Variants in ARHGEF12 observed in about 807,000 individuals in gnomAD.
ARHGEF12 encodes Rho guanine nucleotide exchange factor 12.
In ARHGEF12, 66 loss-of-function variants were observed where a neutral mutation model predicts 211.2. That is an observed-to-expected ratio of 0.31 (90% CI 0.26 to 0.38). The LOEUF is 0.38. Among genes scored for constraint, ARHGEF12 ranks in the 10% least tolerant of loss-of-function variants. The pLI is 1.00. For synonymous variants in ARHGEF12, 592 were observed against 638.4 expected (o/e 0.93, Z 1.09); for missense variants, 1,429 against 1,869.5 (o/e 0.76, Z 4.34).
chr11:120,351,435 ATATATATATATATATATATATTTT>A (rs1942952137), intron 1 of ARHGEF12, among the ~76,000 whole-genome samples: 4 of 3,122 alleles, frequency 1.3e-3, no homozygotes, highest in Admixed American at 6.9e-3. Context: ...ATATATATAT[ATATATATATATATATATATATTTT>A]TTTTTTTTTT....
intron 2 of ARHGEF12, among the ~76,000 whole-genome samples, chr11:120,406,716 G>A (rs951841506): frequency 3.9e-5 from 6 of 151,950 alleles, no homozygotes; most frequent in African/African-American, 1.4e-4. Context: ...CCGCCACCAC[G>A]CCTGGCTAAT....
At chr11:120,416,807 A>C (rs1591563542) in intron 4 of ARHGEF12, among the ~76,000 whole-genome samples, 1 of 152,198 alleles carries the variant, frequency 6.6e-6, no homozygotes, top group East Asian at 1.9e-4. Flanking sequence ...ACGCGCCACC[A>C]CGCACAGCTA....
Position 120,425,349 on chromosome 11 carries a change from T to G in ARHGEF12, c.406+934T>G, listed in dbSNP as rs537796528. Among the ~76,000 whole-genome samples the G allele has an allele frequency of 1.6e-3, 241 of 150,010 alleles. 2 individuals carry two copies. The highest frequency in any genetic ancestry group is 5.5e-3 in the African/African-American group (217 of 39,496). ...TTTTATGTTTTCTTGGTTTTTTTTTTTTTTTTGTTTGTTTGTTTTTAGGGT... is the reference window on the plus strand; with the variant it reads ...TTTTATGTTTTCTTGGTTTTTTTTTGTTTTTTGTTTGTTTGTTTTTAGGGT... On this transcript the variant is annotated intron_variant, in intron 7 of 40. Transcript: ENST00000397843.
chr11:120,406,420 C>G (rs892524820), intron 2 of ARHGEF12, among the ~76,000 whole-genome samples: 2 of 152,026 alleles, frequency 1.3e-5, no homozygotes, highest in African/African-American at 4.8e-5. Context: ...CTATTTGTGA[C>G]TGTTTTGAAT....
At chr11:120,474,741 T>G (rs1454749919) in intron 32 of ARHGEF12, 106 bp downstream of exon 32, 2 of 766,784 alleles carry the variant, frequency 2.6e-6, no homozygotes, top group African/African-American at 3.5e-5. Context: ...TCTCAGCAGT[T>G]TGCAGTGCTA....
At chr11:120,366,254 C>CA (rs554955249) in intron 1 of ARHGEF12, among the ~76,000 whole-genome samples, 83 of 152,050 alleles carry the variant, frequency 5.5e-4, no homozygotes, top group African/African-American at 1.9e-3. Context: ...GACCCTGTCT[C>CA]AAAAAAATAA....
rs775664804 is a variant in ARHGEF12 at position 120,481,273 on chromosome 11, C to T, written c.4251C>T (p.Ile1417=). 2 of 1,613,896 alleles carry T rather than the reference C, an allele frequency of 1.2e-6. No individual in the cohort carries two copies. Among genetic ancestry groups the T allele is most frequent in the African/African-American group, 2.7e-5 (2 of 74,902 alleles). The stretch of plus-strand genomic sequence containing the variant: ...CTCTATCCATAGGAAACTATTTGAT[C>T]CTTGATGGCTATGACCCAGTGCAGG... The part of the protein sequence containing the change: ...VNLRISGNYL[I]LDGYDPVQES... Residue 1417 remains isoleucine (I), a synonymous_variant, in exon 39 of 41, where the codon ATC becomes ATT. Transcript: ENST00000397843.
chr11:120,395,174 A>G (rs1045963534), intron 1 of ARHGEF12, among the ~76,000 whole-genome samples: 1 of 151,946 alleles, frequency 6.6e-6, no homozygotes, highest in Non-Finnish European at 1.5e-5. Context: ...CAATATATAT[A>G]CAATATGTAA....
intron 1 of ARHGEF12, among the ~76,000 whole-genome samples, chr11:120,367,241 GTTTTGGGAGAAA>G (rs577315502): frequency 3.1e-3 from 460 of 149,328 alleles, no homozygotes; most frequent in African/African-American, 0.011. Context: ...TTTTCTTATA[GTTTTGGGAGAAA>G]TTTGTTAACG....
At chr11:120,391,586 C>T (rs367672861) in intron 1 of ARHGEF12, among the ~76,000 whole-genome samples, 1 of 152,240 alleles carries the variant, frequency 6.6e-6, no homozygotes, top group Admixed American at 6.5e-5. Context: ...AATCCAAATA[C>T]TTGTGTTAGA....
At chr11:120,456,568 A>C (rs896004488) in intron 22 of ARHGEF12, among the ~76,000 whole-genome samples, 7 of 152,250 alleles carry the variant, frequency 4.6e-5, no homozygotes, top group African/African-American at 1.7e-4. Context: ...TCACATTTGA[A>C]AACATGAAAA....
intron 27 of ARHGEF12, chr11:120,464,201 G>A (rs1426088826): frequency 6.6e-6 from 1 of 152,206 alleles, no homozygotes; most frequent in Non-Finnish European, 1.5e-5. Context: ...TTTATACTGA[G>A]TAAGAAGGAA....
chr11:120,450,920 C>T (rs893984406), intron 21 of ARHGEF12: 1 of 152,754 alleles, frequency 6.5e-6, no homozygotes, highest in Non-Finnish European at 1.5e-5. Flanking sequence ...GACCCTTCTT[C>T]TTTCCCTACA....
chr11:120,465,088 G>A (rs537153775), intron 27 of ARHGEF12, 149 bp from the exon 28 acceptor site: 3 of 959,010 alleles, frequency 3.1e-6, no homozygotes, highest in African/African-American at 3.3e-5. Flanking sequence ...CCTTTTTAAT[G>A]GAGAACCATT....
chr11:120,446,644 C>T (rs1946056310), intron 17 of ARHGEF12, 136 bp downstream of exon 17: 2 of 720,122 alleles, frequency 2.8e-6, no homozygotes, highest in Admixed American at 2.9e-5. Context: ...ACATAATGAA[C>T]ATCTGGAGCC....
chr11:120,437,158 A>C, intron 11 of ARHGEF12, 150 bp from the exon 12 acceptor site: 1 of 524,858 alleles, frequency 1.9e-6, no homozygotes, highest in Non-Finnish European at 3.3e-6. Context: ...AGTAAGGAAA[A>C]AGTAGCAGAA....
intron 1 of ARHGEF12, among the ~76,000 whole-genome samples, chr11:120,384,239 A>T (rs1943963687): frequency 6.6e-6 from 1 of 152,208 alleles, no homozygotes; most frequent in Non-Finnish European, 1.5e-5. Context: ...CTGATTCTTC[A>T]TAGATCACTA....
At chr11:120,436,665 C>A (rs181564300) in intron 11 of ARHGEF12, among the ~76,000 whole-genome samples, 23 of 152,116 alleles carry the variant, frequency 1.5e-4, no homozygotes, top group African/African-American at 5.3e-4. Flanking sequence ...CTAGACAATA[C>A]AGTATAACAA....
chr11:120,379,833 C>A (rs796671589), intron 1 of ARHGEF12, among the ~76,000 whole-genome samples: 34 of 152,012 alleles, frequency 2.2e-4, no homozygotes, highest in African/African-American at 7.7e-4. Flanking sequence ...ATGTATTATT[C>A]TTTTTATTTA....
Sources: allele counts gnomAD v4.1 joint callset (sites outside exome capture counted in the v4.1 genomes callset), GRCh38; gene constraint gnomAD v4.1.1; transcripts MANE v1.5; gene names NCBI Gene and HGNC (gene_info 2026-07-23, HGNC 2026-07-21).